Variants in TSNARE1 observed in about 807,000 individuals in gnomAD.
TSNARE1 encodes t-SNARE domain containing 1.
TSNARE1 carries 49 observed loss-of-function variants against 62.0 expected under a neutral mutation model. The ratio of observed to expected loss-of-function variants is 0.79; its 90% CI spans 0.63 to 1.00. The LOEUF is 1.00. Ranked by LOEUF, TSNARE1 falls within the 50% of genes least tolerant of loss-of-function variation. The pLI is 0.00. For missense variants in TSNARE1, 755 were observed against 700.1 expected, an observed-to-expected ratio of 1.08 and a Z score of -0.88; for synonymous variants, 328 against 294.4, an observed-to-expected ratio of 1.11 and a Z score of -1.17.
chr8:142,379,222 G>A (rs966353573), intron 1 of TSNARE1, among the ~76,000 whole-genome samples: 9 of 152,218 alleles, frequency 5.9e-5, no homozygotes, highest in African/African-American at 1.9e-4. Context: ...TCAGCGGGCC[G>A]CTGCCAGCAA....
At chr8:142,299,151 T>C (rs1281191992) in intron 10 of TSNARE1, among the ~76,000 whole-genome samples, 1 of 151,984 alleles carries the variant, frequency 6.6e-6, no homozygotes, top group Admixed American at 6.5e-5. Context: ...TCTTGAGAAA[T>C]GGGCGCTCCT....
At chr8:142,322,884 T>C (rs1829681025) in intron 6 of TSNARE1, among the ~76,000 whole-genome samples, 1 of 149,090 alleles carries the variant, frequency 6.7e-6, no homozygotes, top group Non-Finnish European at 1.5e-5. Context: ...GATATTGTTA[T>C]GAAAGGCCAG....
chr8:142,345,119 A>G (rs577907698), intron 3 of TSNARE1, among the ~76,000 whole-genome samples: 6 of 152,366 alleles, frequency 3.9e-5, no homozygotes, highest in African/African-American at 1.2e-4. Flanking sequence ...ACAGGGCTGC[A>G]CTGGCAACAG....
intron 12 of TSNARE1, among the ~76,000 whole-genome samples, chr8:142,256,330 TTTGCCACCATCATCATCACC>T (rs1818557523): frequency 3.2e-4 from 1 of 3,094 alleles, no homozygotes; most frequent in Non-Finnish European, 6.9e-4. Context: ...CATCACCATC[TTTGCCACCATCATCATCACC>T]ATCATTATCA....
intron 9 of TSNARE1, among the ~76,000 whole-genome samples, chr8:142,303,250 A>G (rs1352280513): frequency 1.3e-5 from 2 of 152,132 alleles, no homozygotes; most frequent in African/African-American, 4.8e-5. Flanking sequence ...GGCCAGAGGA[A>G]GCTCTGTGAG....
At chr8:142,274,897 T>G (rs1363584916) in intron 11 of TSNARE1, 34 bp from the exon 12 acceptor site, 1 of 1,492,160 alleles carries the variant, frequency 6.7e-7, no homozygotes, top group Admixed American at 2.2e-5. Context: ...CAATTACAGA[T>G]GGAGGCCCAG....
intron 12 of TSNARE1, among the ~76,000 whole-genome samples, chr8:142,237,840 C>T (rs1213485371): frequency 6.6e-6 from 1 of 152,200 alleles, no homozygotes; most frequent in Non-Finnish European, 1.5e-5. Flanking sequence ...CTCGTGAGTC[C>T]TGTCCACCAG....
In TSNARE1 at chr8:142,271,309, C is replaced by G. The variant is rs1819514377; in HGVS notation, c.1446+3472G>C. 5.4e-6 allele frequency: 6 copies of G among 1,114,006 alleles called. No homozygotes were observed. The South Asian group carries it at 2.6e-4, about 48-fold the overall frequency. 69.0% of individuals were successfully genotyped at this position (1,114,006 alleles called of 1,614,324 possible). ...CCACGCCATCGGCCAGACGCTGGCT[C>G]TGCTCGGCCAGCCGCTGCAGCAGCA... On this transcript the variant is annotated intron_variant, in intron 12 of 13. Transcript: ENST00000524325.
At chr8:142,253,110 G>A (rs766459509) in intron 12 of TSNARE1, among the ~76,000 whole-genome samples, 4 of 152,220 alleles carry the variant, frequency 2.6e-5, no homozygotes, top group Non-Finnish European at 5.9e-5. Context: ...GAGACCGGAC[G>A]GGCAGCCTGG....
intron 1 of TSNARE1, among the ~76,000 whole-genome samples, chr8:142,400,713 C>A (rs531008504): frequency 9.9e-5 from 15 of 152,186 alleles, no homozygotes; most frequent in Non-Finnish European, 1.5e-4. Flanking sequence ...GTTCTTATGG[C>A]CAAACACCAC....
intron 13 of TSNARE1, among the ~76,000 whole-genome samples, chr8:142,227,321 C>T (rs1816871294): frequency 7.8e-6 from 1 of 128,058 alleles, no homozygotes; most frequent in Admixed American, 7.0e-5. Context: ...CTGCCCACAA[C>T]TCCAGTGATA....
intron 10 of TSNARE1, among the ~76,000 whole-genome samples, chr8:142,296,833 T>G (rs542539336): frequency 6.6e-6 from 1 of 151,856 alleles, no homozygotes; most frequent in South Asian, 2.1e-4. Flanking sequence ...CAGGACACCC[T>G]CCCTCAGAAT....
chr8:142,406,579 A>G (rs1440989498), upstream of TSNARE1: 1 of 152,306 alleles, frequency 6.6e-6, no homozygotes, highest in African/African-American at 2.4e-5. Context: ...CTTAAAAAAT[A>G]AAAAGACGAG....
At chr8:142,254,934 A>G (rs12548422) in intron 12 of TSNARE1, among the ~76,000 whole-genome samples, 152,281 of 152,282 alleles carry the variant, frequency 1, 76,140 homozygotes, top group Middle Eastern at 1. Context: ...AGGCCCCTCC[A>G]ACAGGTCCTG....
intron 2 of TSNARE1, among the ~76,000 whole-genome samples, chr8:142,354,326 C>T (rs143538722): frequency 6.6e-6 from 1 of 152,200 alleles, no homozygotes; most frequent in Non-Finnish European, 1.5e-5. Flanking sequence ...TGAGATCCTG[C>T]ATCCCCTCAG....
intron 12 of TSNARE1, 130 bp from the exon 13 acceptor site, chr8:142,229,709 A>C (rs2075951336): frequency 1.4e-6 from 1 of 713,272 alleles, no homozygotes; most frequent in Non-Finnish European, 2.4e-6. Flanking sequence ...GGGTCCAGAG[A>C]GAACCTGTGT....
In TSNARE1 at chr8:142,326,478, C is replaced by G. The variant is rs189903055; in HGVS notation, c.893+4423G>C. ...CAGCGAAGGGGAGGGCCCCGGAGGGCATGAGACAGATGAGGAACCAGCACC... is the reference window on the plus strand; with the variant it reads ...CAGCGAAGGGGAGGGCCCCGGAGGGGATGAGACAGATGAGGAACCAGCACC... On this transcript the variant is annotated intron_variant, in intron 6 of 13. Coordinates refer to ENST00000524325, the MANE Select transcript of TSNARE1 (RefSeq NM_145003.5). Among the ~76,000 whole-genome samples, 3 of 113,554 alleles carry G rather than the reference C, an allele frequency of 2.6e-5. 1 individual carries two copies. Among genetic ancestry groups the G allele is most frequent in the African/African-American group, 1.2e-4 (3 of 25,470 alleles). The allele number at this position is 113,554 out of a possible 152,430, so 74.5% of individuals were successfully genotyped here. A position where few individuals can be genotyped will look rare whatever the true frequency, so the allele number is the denominator to read the frequency against.
intron 11 of TSNARE1, among the ~76,000 whole-genome samples, chr8:142,281,019 A>G (rs993647723): frequency 6.6e-6 from 1 of 152,198 alleles, no homozygotes; most frequent in African/African-American, 2.4e-5. Flanking sequence ...CTGGGGACAC[A>G]GCACAGTACC....
chr8:142,267,429 GAA>G lies in TSNARE1; in HGVS notation c.1446+7350_1446+7351del, dbSNP rs1819193844. On this transcript the variant is annotated intron_variant, in intron 12 of 13. Coordinates refer to ENST00000524325, the MANE Select transcript of TSNARE1 (RefSeq NM_145003.5). ...TTTGAGCCAGATGGATGAGGCACCTGAAAACTGTCCTCACTCACCTGGAATGC... is the reference window on the plus strand; with the variant it reads ...TTTGAGCCAGATGGATGAGGCACCTGAACTGTCCTCACTCACCTGGAATGC... Among the ~76,000 whole-genome samples the G allele has an allele frequency of 3.9e-5, 6 of 152,184 alleles. No individual in the cohort carries two copies. In the South Asian group the frequency reaches 1.2e-3, roughly 32 times the overall value.
Sources: allele counts gnomAD v4.1 joint callset (sites outside exome capture counted in the v4.1 genomes callset), GRCh38; gene constraint gnomAD v4.1.1; transcripts MANE v1.5; gene names NCBI Gene and HGNC (gene_info 2026-07-23, HGNC 2026-07-21).